Variants in NEBL observed in about 807,000 individuals in gnomAD.
The protein encoded by NEBL is nebulette.
In NEBL, 122 loss-of-function variants were observed where a neutral mutation model predicts 140.2. The observed-to-expected ratio is 0.87, with a 90% CI of 0.75 to 1.01. The LOEUF is 1.01. Ranked by LOEUF, NEBL falls within the 50% of genes least tolerant of loss-of-function variation. NEBL has a pLI of 0.00. For synonymous variants in NEBL, 436 were observed against 398.9 expected (o/e 1.09, Z -1.11); for missense variants, 1,365 against 1,231.3 (o/e 1.11, Z -1.62).
chr10:20,871,020 T>C (rs1588891020), intron 5 of NEBL, among the ~76,000 whole-genome samples: 1 of 152,226 alleles, frequency 6.6e-6, no homozygotes, highest in African/African-American at 2.4e-5. Flanking sequence ...GTGGTTCTAT[T>C]TGGCAATATC....
At chr10:21,156,422 C>A (rs928685585) in intron 2 of NEBL, among the ~76,000 whole-genome samples, 1 of 152,110 alleles carries the variant, frequency 6.6e-6, no homozygotes, top group Non-Finnish European at 1.5e-5. Context: ...AAGTCAGGAG[C>A]AAACATGGAA....
chr10:20,889,659 T>C (rs1398717338), intron 3 of NEBL, among the ~76,000 whole-genome samples, 186 bp downstream of exon 3: 1 of 152,186 alleles, frequency 6.6e-6, no homozygotes, highest in African/African-American at 2.4e-5. Flanking sequence ...GAAGCATACA[T>C]AGTAAAATCT....
chr10:20,953,395 T>C (rs1835602120), intron 4 of NEBL, among the ~76,000 whole-genome samples: 1 of 152,166 alleles, frequency 6.6e-6, no homozygotes, highest in Non-Finnish European at 1.5e-5. Context: ...CTACCATACC[T>C]TGATCTGGCA....
intron 26 of NEBL, among the ~76,000 whole-genome samples, chr10:20,799,321 C>T (rs1836872005): frequency 6.6e-6 from 1 of 151,988 alleles, no homozygotes; most frequent in African/African-American, 2.4e-5. Flanking sequence ...ACACTCAGCT[C>T]ATTTTTGTAT....
rs890860447 is a variant in NEBL at position 20,817,685 on chromosome 10, T to C, written c.2063A>G (p.Tyr688Cys). ...RNQEQLSAVK[Y>C]KGELQRGTAI... Reference sequence around the variant, plus strand: ...AGTTCCCCGTTGAAGTTCTCCCTTATATTTTACCTAAGAAGGATAAATAAG... The same window carrying C: ...AGTTCCCCGTTGAAGTTCTCCCTTACATTTTACCTAAGAAGGATAAATAAG... Residue 688 changes from tyrosine to cysteine, a missense_variant, in exon 21 of 28, where the codon TAT becomes TGT. Physicochemically the swap from Tyr to Cys is radical, Grantham distance 194. This residue lies in a region of NEBL where 1,323 missense variants were observed against 1,154.8 expected (regional missense o/e 1.15). Transcript: ENST00000377122. The C allele has an allele frequency of 1.2e-6, 2 of 1,610,862 alleles. No homozygotes were observed. The highest frequency in any genetic ancestry group is 1.3e-5 in the African/African-American group (1 of 74,980).
exon 2 of NEBL, among the ~76,000 whole-genome samples, chr10:21,251,782 G>A (rs1401274728): frequency 6.6e-6 from 1 of 152,094 alleles, no homozygotes; most frequent in African/African-American, 2.4e-5. Context: ...CATGAACCAG[G>A]AAGGAATCTG....
At chr10:20,989,157 TAGA>T (rs1837365364) in intron 3 of NEBL, among the ~76,000 whole-genome samples, 1 of 152,230 alleles carries the variant, frequency 6.6e-6, no homozygotes, top group Admixed American at 6.5e-5. Context: ...TACAAATGAA[TAGA>T]AGATTTGTAA....
chr10:21,052,336 A>C (rs1165943696), intron 2 of NEBL, among the ~76,000 whole-genome samples: 1 of 152,232 alleles, frequency 6.6e-6, no homozygotes, highest in Non-Finnish European at 1.5e-5. Context: ...TCAAGTCTGC[A>C]TTTTGCTAAA....
chr10:21,121,112 A>T (rs1448142142), intron 2 of NEBL, among the ~76,000 whole-genome samples: 1 of 152,168 alleles, frequency 6.6e-6, no homozygotes, highest in Admixed American at 6.6e-5. Flanking sequence ...TTTGGCCCTG[A>T]AACTTTTTTT....
At chr10:21,289,143 G>C (rs79156770) in intron 1 of NEBL, among the ~76,000 whole-genome samples, 3 of 151,584 alleles carry the variant, frequency 2.0e-5, no homozygotes, top group Non-Finnish European at 4.4e-5. Flanking sequence ...CACTGAGCCC[G>C]GCCCTTTTTA....
chr10:21,211,513 GT>G (rs1260138903), intron 3 of NEBL, among the ~76,000 whole-genome samples: 1 of 151,670 alleles, frequency 6.6e-6, no homozygotes, highest in Admixed American at 6.6e-5. Context: ...AAACCCTAAG[GT>G]TTTTTTTCTC....
rs1474415727 is a variant in NEBL at position 21,012,041 on chromosome 10, G to A, written c.249+8076C>T. On this transcript the variant is annotated intron_variant, in intron 3 of 6. Coordinates refer to the NEBL transcript ENST00000417816. ...TGGGAGGAGATTGGGAATACATTTTGTGGGGTGGTTTTCTCTGCTTTTGGC... is the reference window on the plus strand; with the variant it reads ...TGGGAGGAGATTGGGAATACATTTTATGGGGTGGTTTTCTCTGCTTTTGGC... 2.6e-5 allele frequency among the ~76,000 whole-genome samples: 4 copies of A among 152,348 alleles called. No individual in the cohort carries two copies. The East Asian group carries it at 7.7e-4, about 29-fold the overall frequency.
intron 1 of NEBL, among the ~76,000 whole-genome samples, chr10:21,255,300 C>T (rs895272108): frequency 1.3e-5 from 2 of 151,818 alleles, no homozygotes; most frequent in Admixed American, 1.3e-4. Context: ...GAGAAAAGAC[C>T]CGTGGAGGAA....
rs115042607 is a variant in NEBL at position 21,086,864 on chromosome 10, G to A, written c.165-66663C>T. On this transcript the variant is annotated intron_variant, in intron 2 of 6. Transcript: ENST00000417816. ...CAAAGACAGATACCAGTTTGCTGAA[G>A]AGTTCAGTCATGTCTCTTATGACTG... Among the ~76,000 whole-genome samples, 273 of 152,256 alleles carry A rather than the reference G, an allele frequency of 1.8e-3. 1 individual carries two copies. Among genetic ancestry groups the A allele is most frequent in the African/African-American group, 6.5e-3 (271 of 41,548 alleles).
In NEBL at chr10:21,041,699, T is replaced by C. The variant is rs542250624; in HGVS notation, c.165-21498A>G. On this transcript the variant is annotated intron_variant, in intron 2 of 6. Transcript: ENST00000417816. ...AAGAAAATAAAAATAAAAAAATAGC[T>C]ACTCCATAGGCAGAGCAGCGGCATG... Among the ~76,000 whole-genome samples the C allele has an allele frequency of 6.9e-4, 105 of 152,300 alleles. 3 individuals are homozygous for C. The South Asian group carries it at 0.02, about 30-fold the overall frequency.
At chr10:20,939,221 C>A (rs1031719548) in intron 4 of NEBL, among the ~76,000 whole-genome samples, 1 of 152,204 alleles carries the variant, frequency 6.6e-6, no homozygotes, top group South Asian at 2.1e-4. Context: ...GCCCATCAGA[C>A]TAACAGCTGA....
At chr10:20,856,281 A>G (rs936013853) in intron 9 of NEBL, among the ~76,000 whole-genome samples, 2 of 152,236 alleles carry the variant, frequency 1.3e-5, no homozygotes, top group African/African-American at 4.8e-5. Flanking sequence ...AATTTATATT[A>G]GACTGCGATT....
At chr10:20,979,175 T>A (rs184924163) in intron 3 of NEBL, among the ~76,000 whole-genome samples, 2 of 152,304 alleles carry the variant, frequency 1.3e-5, no homozygotes, top group Non-Finnish European at 2.9e-5. Flanking sequence ...CCCAACACTT[T>A]GTGAGACAGA....
chr10:20,903,819 C>T (rs1052487176), intron 4 of NEBL, among the ~76,000 whole-genome samples: 2 of 151,236 alleles, frequency 1.3e-5, no homozygotes, highest in African/African-American at 4.9e-5. Flanking sequence ...AGCTAAGCTA[C>T]TGGTATGCAA....
Sources: gnomAD v4.1 joint callset for allele counts (sites outside exome capture counted in the v4.1 genomes callset) on GRCh38, gnomAD v4.1.1 for gene constraint, gnomAD v4.1.1 regional missense constraint, MANE v1.5 for transcripts, NCBI Gene and HGNC (gene_info 2026-07-23, HGNC 2026-07-21) for gene names.